The following NRXN1 variants were observed in gnomAD, a reference collection of about 807,000 sequenced individuals.
The protein encoded by NRXN1 is neurexin 1.
Under a neutral mutation model 150.9 loss-of-function variants are expected in NRXN1, and 39 were observed. That is an observed-to-expected ratio of 0.26 (90% CI 0.20 to 0.34). The LOEUF (loss-of-function observed/expected upper bound fraction) is 0.34. Among genes scored for constraint, NRXN1 ranks in the 10% least tolerant of loss-of-function variants. The pLI is 1.00. For missense variants in NRXN1, 1,815 were observed against 1,949.9 expected, an observed-to-expected ratio of 0.93 and a Z score of 1.30; for synonymous variants, 924 against 757.0, an observed-to-expected ratio of 1.22 and a Z score of -3.62.
chr2:49,950,056 G>A (rs995955913), intron 21 of NRXN1, among the ~76,000 whole-genome samples: 6 of 151,870 alleles, frequency 4.0e-5, no homozygotes, highest in African/African-American at 1.4e-4. Flanking sequence ...CCAACCCAGT[G>A]TCCTGATAAC....
intron 5 of NRXN1, among the ~76,000 whole-genome samples, chr2:50,652,710 A>T (rs1407651197): frequency 6.6e-6 from 1 of 152,030 alleles, no homozygotes; most frequent in African/African-American, 2.4e-5. Flanking sequence ...TTAGGTAGGT[A>T]CCTATGAGTG....
intron 5 of NRXN1, among the ~76,000 whole-genome samples, chr2:50,857,503 T>C (rs940456625): frequency 2.0e-5 from 3 of 152,120 alleles, no homozygotes; most frequent in African/African-American, 7.2e-5. Context: ...TGGAAGTGAA[T>C]TCTCTTTGGA....
At chr2:50,487,616 T>A (rs1463448382) in intron 15 of NRXN1, among the ~76,000 whole-genome samples, 1 of 152,210 alleles carries the variant, frequency 6.6e-6, no homozygotes, top group Non-Finnish European at 1.5e-5. Context: ...AACTTTCAAG[T>A]CTATTTCCAT....
chr2:50,355,179 T>C (rs192575667), intron 17 of NRXN1, among the ~76,000 whole-genome samples: 16 of 151,290 alleles, frequency 1.1e-4, no homozygotes, highest in African/African-American at 3.6e-4. Flanking sequence ...GCGATTCAAA[T>C]TGAGTCTCTA....
chr2:50,138,927 C>A (rs1042855597), intron 18 of NRXN1, among the ~76,000 whole-genome samples: 1 of 152,154 alleles, frequency 6.6e-6, no homozygotes, highest in African/African-American at 2.4e-5. Context: ...GAAATGTAGG[C>A]CAAAGACGTC....
At chr2:50,474,839 C>CCCCCAAA (rs1558795095) in intron 15 of NRXN1, among the ~76,000 whole-genome samples, 5 of 108,840 alleles carry the variant, frequency 4.6e-5, no homozygotes, top group Admixed American at 2.1e-4. Context: ...GCCCCCCTAC[C>CCCCCAAA]AAAAAAAAAA....
intron 19 of NRXN1, among the ~76,000 whole-genome samples, chr2:50,062,170 C>A (rs1203509230): frequency 6.6e-6 from 1 of 152,122 alleles, no homozygotes; most frequent in Non-Finnish European, 1.5e-5. Flanking sequence ...TTTGTATAGA[C>A]TGAATGTTTG....
chr2:50,773,651 C>T (rs951896504), intron 5 of NRXN1, among the ~76,000 whole-genome samples: 1 of 152,182 alleles, frequency 6.6e-6, no homozygotes, highest in Non-Finnish European at 1.5e-5. Flanking sequence ...TTCACCTTTG[C>T]TCAGGGGGAT....
At chr2:50,635,900 A>T (rs192483347) in intron 5 of NRXN1, among the ~76,000 whole-genome samples, 210 of 152,292 alleles carry the variant, frequency 1.4e-3, no homozygotes, top group Non-Finnish European at 2.3e-3. Flanking sequence ...CTTTTCTTTC[A>T]GAAGGTTCTA....
chr2:50,949,212 G>T (rs1413038056), intron 2 of NRXN1, among the ~76,000 whole-genome samples: 1 of 151,964 alleles, frequency 6.6e-6, no homozygotes, highest in African/African-American at 2.4e-5. Flanking sequence ...ATAATAACAT[G>T]TGGGGCTCAA....
At chr2:50,160,286 A>T (rs975267501) in intron 18 of NRXN1, among the ~76,000 whole-genome samples, 2 of 152,120 alleles carry the variant, frequency 1.3e-5, no homozygotes, top group Non-Finnish European at 2.9e-5. Context: ...AACGTCTGTA[A>T]TCCCAGCACT....
At chr2:49,965,856 G>A (rs977666393) in intron 21 of NRXN1, among the ~76,000 whole-genome samples, 2 of 152,082 alleles carry the variant, frequency 1.3e-5, no homozygotes, top group Non-Finnish European at 1.5e-5. Context: ...AACTGATTTG[G>A]GGAAGAAGGA....
At chr2:50,417,405 A>G (rs1346058476) in intron 17 of NRXN1, 2 of 152,158 alleles carry the variant, frequency 1.3e-5, no homozygotes, top group African/African-American at 2.4e-5. Context: ...TTGTTTTCCT[A>G]AAGCTTCTGC....
At chr2:50,750,020 G>A (rs1355073939) in intron 5 of NRXN1, among the ~76,000 whole-genome samples, 2 of 152,046 alleles carry the variant, frequency 1.3e-5, no homozygotes, top group African/African-American at 4.8e-5. Context: ...GACAACCACA[G>A]TTAGCATGGA....
intron 8 of NRXN1, among the ~76,000 whole-genome samples, chr2:50,591,415 GATA>G: frequency 6.8e-6 from 1 of 146,746 alleles, no homozygotes; most frequent in East Asian, 2.0e-4. Context: ...TAGATAGATA[GATA>G]GATAGATAGA....
intron 22 of NRXN1, among the ~76,000 whole-genome samples, chr2:49,941,370 C>T (rs1044887874): frequency 3.1e-4 from 47 of 150,978 alleles, no homozygotes; most frequent in African/African-American, 1.0e-3. Flanking sequence ...TTACCCCATC[C>T]GCCTTTTCTC....
intron 2 of NRXN1, among the ~76,000 whole-genome samples, chr2:50,965,487 T>C (rs1343418874): frequency 6.6e-6 from 1 of 151,568 alleles, no homozygotes; most frequent in Non-Finnish European, 1.5e-5. Context: ...ATTTTCAAAC[T>C]GATGCTTTTA....
intron 5 of NRXN1, among the ~76,000 whole-genome samples, chr2:50,734,394 G>GTTAATGT (rs1435085565): frequency 6.6e-6 from 1 of 152,106 alleles, no homozygotes; most frequent in East Asian, 1.9e-4. Context: ...GGAAAAACAA[G>GTTAATGT]GGCAGGTCAT....
intron 17 of NRXN1, among the ~76,000 whole-genome samples, chr2:50,387,329 T>C (rs1572782634): frequency 6.6e-6 from 1 of 152,138 alleles, no homozygotes; most frequent in Non-Finnish European, 1.5e-5. Flanking sequence ...GTGGGGTAAA[T>C]TGATGAGAGA....
Sources: allele counts gnomAD v4.1 joint callset (sites outside exome capture counted in the v4.1 genomes callset), GRCh38; gene constraint gnomAD v4.1.1; transcripts MANE v1.5; gene names NCBI Gene and HGNC (gene_info 2026-07-23, HGNC 2026-07-21).